SAMMSON: variants seen among roughly 807,000 people sequenced by gnomAD.
SAMMSON encodes the protein long intergenic non-protein coding RNA 1212.
chr3:70,143,677 C>A (rs2106682700), intron 4 of SAMMSON, among the ~76,000 whole-genome samples: 1 of 152,202 alleles, frequency 6.6e-6, no homozygotes, highest in South Asian at 2.1e-4. Flanking sequence ...GGGTGTTCTT[C>A]ACAGTTACTT....
intron 4 of SAMMSON, chr3:70,159,732 T>C (rs549101203): frequency 1.5e-4 from 23 of 152,152 alleles, no homozygotes; most frequent in African/African-American, 4.6e-4. Context: ...ATAATTTTTG[T>C]ATTTTTAGTG....
intron 4 of SAMMSON, among the ~76,000 whole-genome samples, chr3:70,115,231 GAA>G (rs2067405934): frequency 7.1e-6 from 1 of 140,032 alleles, no homozygotes. Flanking sequence ...AAAAAAGAAA[GAA>G]AGAAAAAAAG....
At chr3:70,259,859 C>G (rs1701849395) in intron 6 of SAMMSON, among the ~76,000 whole-genome samples, 1 of 152,074 alleles carries the variant, frequency 6.6e-6, no homozygotes, top group Non-Finnish European at 1.5e-5. Context: ...AGGAAACTTA[C>G]AATCATGGTG....
chr3:70,192,544 G>T (rs570513100), intron 4 of SAMMSON, among the ~76,000 whole-genome samples: 2 of 152,108 alleles, frequency 1.3e-5, no homozygotes, highest in Non-Finnish European at 2.9e-5. Flanking sequence ...TGAATGTCCT[G>T]GCCTCCCACC....
intron 4 of SAMMSON, among the ~76,000 whole-genome samples, chr3:70,134,087 C>CAAA (rs1157606808): frequency 2.1e-4 from 13 of 60,568 alleles, no homozygotes; most frequent in East Asian, 1.3e-3. Context: ...ACTGAAAATA[C>CAAA]AAAAAAAAAA....
intron 4 of SAMMSON, among the ~76,000 whole-genome samples, chr3:70,150,069 A>C (rs1017013700): frequency 2.0e-4 from 30 of 151,822 alleles, no homozygotes; most frequent in African/African-American, 7.0e-4. Context: ...TGCTTGCCAG[A>C]CTGAGTTTAA....
intron 3 of SAMMSON, among the ~76,000 whole-genome samples, chr3:70,037,493 C>T (rs1033848280): frequency 3.9e-5 from 6 of 152,152 alleles, no homozygotes; most frequent in African/African-American, 1.2e-4. Flanking sequence ...GCCCAACAGT[C>T]TGAGGGCTGG....
intron 7 of SAMMSON, among the ~76,000 whole-genome samples, chr3:70,325,246 T>G (rs1263066345): frequency 6.6e-6 from 1 of 152,196 alleles, no homozygotes; most frequent in Admixed American, 6.5e-5. Flanking sequence ...TTAACCATTC[T>G]GTTATGCAGG....
At chr3:70,282,552 A>G (rs1016187033) in intron 6 of SAMMSON, among the ~76,000 whole-genome samples, 17 of 152,164 alleles carry the variant, frequency 1.1e-4, no homozygotes, top group African/African-American at 3.6e-4. Flanking sequence ...TTGGCTTTGA[A>G]CATTCCAAGC....
chr3:70,338,386 G>A (rs761076132), intron 7 of SAMMSON, among the ~76,000 whole-genome samples: 6 of 151,944 alleles, frequency 3.9e-5, no homozygotes, highest in Non-Finnish European at 4.4e-5. Context: ...ATAGATGATT[G>A]TGCAGAAGAG....
intron 3 of SAMMSON, among the ~76,000 whole-genome samples, chr3:70,023,015 C>G (rs997097514): frequency 9.2e-5 from 14 of 152,152 alleles, no homozygotes; most frequent in Non-Finnish European, 1.9e-4. Flanking sequence ...CCTATTAATA[C>G]AGTATTCCAC....
At chr3:70,197,319 CCTT>C (rs1254470714) in intron 4 of SAMMSON, 1 of 396,604 alleles carries the variant, frequency 2.5e-6, no homozygotes, top group Non-Finnish European at 4.4e-6. Context: ...TAATGTACAC[CCTT>C]CTTCTCTCAA....
chr3:70,292,617 T>A (rs1702249426), intron 7 of SAMMSON, among the ~76,000 whole-genome samples: 1 of 152,088 alleles, frequency 6.6e-6, no homozygotes, highest in Admixed American at 6.6e-5. Context: ...TTGGATGAGT[T>A]TTTCTCTATG....
In SAMMSON at chr3:70,154,807, G is replaced by A. The variant is rs947531310; in HGVS notation, n.507+83242G>A. Reference sequence around the variant, plus strand: ...ATGGTGGAATCTTATGGTAGGCCATGCTACTTTTGTTGACTTTGGCTTTAC... The same window carrying A: ...ATGGTGGAATCTTATGGTAGGCCATACTACTTTTGTTGACTTTGGCTTTAC... On this transcript the variant is annotated intron_variant and non_coding_transcript_variant, in intron 4 of 9. Coordinates refer to ENST00000642114, the Ensembl canonical transcript of SAMMSON. 5.3e-5 allele frequency among the ~76,000 whole-genome samples: 8 copies of A among 152,156 alleles called. No individual in the cohort carries two copies. In the East Asian group the frequency reaches 9.7e-4, roughly 18 times the overall value.
intron 4 of SAMMSON, among the ~76,000 whole-genome samples, chr3:70,080,363 A>T (rs2067263589): frequency 6.6e-6 from 1 of 152,200 alleles, no homozygotes; most frequent in Non-Finnish European, 1.5e-5. Context: ...AACCCAACCT[A>T]AGGCAAGTGG....
chr3:70,078,230 A>T (rs1291088306), intron 4 of SAMMSON, among the ~76,000 whole-genome samples: 1 of 152,110 alleles, frequency 6.6e-6, no homozygotes, highest in Non-Finnish European at 1.5e-5. Flanking sequence ...ATTATGGTAG[A>T]TGTAGTAAAT....
intron 9 of SAMMSON, among the ~76,000 whole-genome samples, chr3:70,369,649 T>A (rs1475155103): frequency 6.6e-6 from 1 of 151,744 alleles, no homozygotes; most frequent in Non-Finnish European, 1.5e-5. Context: ...AATTAAGTAT[T>A]GTGTTAGCTA....
chr3:70,210,929 C>T (rs1197128841), intron 4 of SAMMSON, among the ~76,000 whole-genome samples: 1 of 152,066 alleles, frequency 6.6e-6, no homozygotes, highest in Admixed American at 6.6e-5. Flanking sequence ...ATTCAATTAA[C>T]ATTTATTGAG....
intron 4 of SAMMSON, among the ~76,000 whole-genome samples, chr3:70,192,960 C>A (rs6549296): frequency 6.6e-6 from 1 of 151,910 alleles, no homozygotes; most frequent in African/African-American, 2.4e-5. Flanking sequence ...CTGTGCCTTA[C>A]GGATGTTTAG....
Sources: allele counts gnomAD v4.1 joint callset (sites outside exome capture counted in the v4.1 genomes callset), GRCh38; gene constraint gnomAD v4.1.1; transcripts MANE v1.5; gene names NCBI Gene and HGNC (gene_info 2026-07-23, HGNC 2026-07-21).